The following ADAP1 variants were observed in gnomAD, a reference collection of about 807,000 sequenced individuals.
The protein encoded by ADAP1 is arf-GAP with dual PH domain-containing protein 1.
ADAP1 carries 31 observed loss-of-function variants against 54.9 expected under a neutral mutation model. The ratio of observed to expected loss-of-function variants is 0.56; its 90% CI spans 0.42 to 0.76. ADAP1 has a LOEUF of 0.76. ADAP1 is among the 30% of genes least tolerant of loss of function. ADAP1 has a pLI of 0.00. For missense variants in ADAP1, 535 were observed against 512.4 expected (o/e 1.04, Z -0.42); for synonymous variants, 313 against 202.6 (o/e 1.55, Z -4.63).
At chr7:935,004 G>A in intron 2 of ADAP1, 1 of 376,748 alleles carries the variant, frequency 2.7e-6, no homozygotes, top group Admixed American at 3.4e-5. Flanking sequence ...GGCCTGGGAC[G>A]CTGCATTCTG....
intron 4 of ADAP1, among the ~76,000 whole-genome samples, chr7:906,220 G>GAGAAAGGA (rs373529749): frequency 9.7e-5 from 1 of 10,290 alleles, no homozygotes; most frequent in Non-Finnish European, 2.0e-4. Flanking sequence ...AAGGAGAAAG[G>GAGAAAGGA]GAAAGGAGAA....
At chr7:919,640 G>A (rs1226831469) in intron 4 of ADAP1, among the ~76,000 whole-genome samples, 4 of 123,050 alleles carry the variant, frequency 3.3e-5, no homozygotes, top group African/African-American at 6.5e-5. Context: ...GAGAGTAAGA[G>A]AAACAGAGAC....
chr7:908,132 C>T (rs867785005), intron 4 of ADAP1, among the ~76,000 whole-genome samples: 4 of 152,154 alleles, frequency 2.6e-5, no homozygotes, highest in Middle Eastern at 3.2e-3. Context: ...TGCTGACCTA[C>T]GCCACAGGGA....
At position 903,707 on chromosome 7, in the gene ADAP1, C is replaced by T. The variant is rs548910798; in HGVS notation, c.648+419G>A. Reference sequence around the variant, plus strand: ...GGCAGCCAAAGGAACCCTACCCAAACCACCCCAGAGCCGGCTACCGTCCAC... The same window carrying T: ...GGCAGCCAAAGGAACCCTACCCAAATCACCCCAGAGCCGGCTACCGTCCAC... On this transcript the variant is annotated intron_variant, in intron 6 of 10. Transcript: ENST00000265846. Among the ~76,000 whole-genome samples, 70 of 152,242 alleles carry T rather than the reference C, an allele frequency of 4.6e-4. 2 individuals carry two copies. The South Asian group carries it at 0.014, about 30-fold the overall frequency.
chr7:915,822 G>A (rs554622756), intron 4 of ADAP1, among the ~76,000 whole-genome samples: 8 of 151,992 alleles, frequency 5.3e-5, no homozygotes, highest in Admixed American at 2.6e-4. Context: ...CACTGCCGAC[G>A]AGACGCTGTC....
At chr7:955,200 C>T (rs1451265924), upstream of ADAP1, 3 of 1,156,040 alleles carry the variant, frequency 2.6e-6, no homozygotes, top group African/African-American at 4.6e-5. Flanking sequence ...ATGGGACCCT[C>T]TGGGCACCCC....
At chr7:939,597 A>G (rs897411998) in intron 1 of ADAP1, among the ~76,000 whole-genome samples, 4 of 151,236 alleles carry the variant, frequency 2.6e-5, no homozygotes, top group African/African-American at 7.3e-5. Context: ...TCGGGAGGCC[A>G]AGGCGGGTGG....
Position 911,416 on chromosome 7 carries a change from G to A in ADAP1, c.389-6244C>T, listed in dbSNP as rs542694968. 1.2e-3 allele frequency among the ~76,000 whole-genome samples: 177 copies of A among 152,272 alleles called. 2 individuals are homozygous for A. The highest frequency in any genetic ancestry group is 3.9e-3 in the African/African-American group (161 of 41,564). On this transcript the variant is annotated intron_variant, in intron 4 of 10. Coordinates refer to ENST00000265846, the MANE Select transcript of ADAP1 (RefSeq NM_006869.4). ...AGGCTGCAGGAGGGGCCACCCTCAG[G>A]GCCAAGTCAGCCCCAGGGTACCCCC...
chr7:939,178 CT>C (rs1327515485), intron 1 of ADAP1, among the ~76,000 whole-genome samples: 1 of 152,176 alleles, frequency 6.6e-6, no homozygotes, highest in Non-Finnish European at 1.5e-5. Flanking sequence ...CGGTCGTTGA[CT>C]AGCTGTGATG....
chr7:912,195 G>C (rs1388586554), intron 4 of ADAP1, among the ~76,000 whole-genome samples: 2 of 152,200 alleles, frequency 1.3e-5, no homozygotes. Context: ...GGGAACCACA[G>C]AAGCTCCGAC....
intron 2 of ADAP1, among the ~76,000 whole-genome samples, chr7:934,615 G>A (rs989107599): frequency 3.3e-5 from 5 of 152,048 alleles, no homozygotes; most frequent in Non-Finnish European, 5.9e-5. Flanking sequence ...CAGGCCCCAC[G>A]CTCCATCCGA....
At position 926,219 on chromosome 7, in the gene ADAP1, C is replaced by T. The variant is rs1846381857; in HGVS notation, c.305+334G>A. ...GCAGGCCCCGAAACAACAGCCGCCC[C>T]TCCCGTTCCCCTCCCAGACCGCCAG... On this transcript the variant is annotated intron_variant, in intron 3 of 10. Coordinates refer to ENST00000265846, the MANE Select transcript of ADAP1 (RefSeq NM_006869.4). The surrounding 1 kb of genome is among the most constrained non-coding windows in gnomAD (Gnocchi z 4.6). Among the ~76,000 whole-genome samples the T allele has an allele frequency of 6.6e-6, 1 of 152,092 alleles. No homozygotes were observed. Among genetic ancestry groups the T allele is most frequent in the African/African-American group, 2.4e-5 (1 of 41,408 alleles).
intron 4 of ADAP1, among the ~76,000 whole-genome samples, chr7:918,016 TG>T (rs1846004830): frequency 6.6e-6 from 1 of 152,196 alleles, no homozygotes; most frequent in Admixed American, 6.5e-5. Flanking sequence ...CTTGAACTCC[TG>T]AGATCAGGAG....
At position 921,839 on chromosome 7, in the gene ADAP1, G is replaced by C. The variant is rs567773724; in HGVS notation, c.306-1789C>G. On this transcript the variant is annotated intron_variant, in intron 3 of 10. Coordinates refer to ENST00000265846, the MANE Select transcript of ADAP1 (RefSeq NM_006869.4). ...GGAAGCCGGGGGCCTGTGGATGAGA[G>C]GCAGGTGCCAGGGACGGCTTTGACA... 3.3e-5 allele frequency among the ~76,000 whole-genome samples: 5 copies of C among 152,336 alleles called. No individual in the cohort carries two copies. The South Asian group carries it at 8.3e-4, about 25-fold the overall frequency.
rs28708384 is a variant in ADAP1 at position 926,360 on chromosome 7, G to C, written c.305+193C>G. Among the ~76,000 whole-genome samples, 4 of 150,418 alleles carry C rather than the reference G, an allele frequency of 2.7e-5. No homozygotes were observed. The highest frequency in any genetic ancestry group is 4.9e-5 in the African/African-American group (2 of 41,078). ...TCCCAGCCCCACCCCAGCGCCCCCC[G>C]CCCCAGAACCAAAGCCCGGTGGTGG... On this transcript the variant is annotated intron_variant, in intron 3 of 10. Transcript: ENST00000265846. This position sits in a 1 kb window ranked among gnomAD's most constrained non-coding sequence, Gnocchi z 4.6.
rs1845031619 is a variant in ADAP1 at position 904,992 on chromosome 7, G to A, written c.501+68C>T. Reference sequence around the variant, plus strand: ...CTGCGGATGGACGCGGCCACCACAGGCCCCAGTGTGGGAGGCCGGGATGCC... The same window carrying A: ...CTGCGGATGGACGCGGCCACCACAGACCCCAGTGTGGGAGGCCGGGATGCC... On this transcript the variant is annotated intron_variant, in intron 5 of 10. Coordinates refer to ENST00000265846, the MANE Select transcript of ADAP1 (RefSeq NM_006869.4). 8 of 1,383,534 alleles carry A rather than the reference G, an allele frequency of 5.8e-6. No homozygotes were observed. The East Asian group carries it at 1.4e-4, about 24-fold the overall frequency. 85.7% of individuals were successfully genotyped at this position (1,383,534 alleles called of 1,614,324 possible).
chr7:929,581 C>G (rs990181557), intron 2 of ADAP1, among the ~76,000 whole-genome samples: 5 of 149,300 alleles, frequency 3.3e-5, no homozygotes, highest in African/African-American at 1.2e-4. Context: ...ATGTTCAGAA[C>G]AAGCAAATCC....
chr7:912,390 G>A (rs1038175472), intron 4 of ADAP1, among the ~76,000 whole-genome samples: 5 of 152,144 alleles, frequency 3.3e-5, no homozygotes, highest in Admixed American at 6.5e-5. Flanking sequence ...AGGGGCAGGC[G>A]GGGGGCAAGT....
intron 4 of ADAP1, among the ~76,000 whole-genome samples, chr7:917,637 G>A (rs1389891288): frequency 6.6e-6 from 1 of 152,106 alleles, no homozygotes; most frequent in Admixed American, 6.5e-5. Context: ...GCTAATTTTT[G>A]TATTTTTTAC....
Sources: allele counts gnomAD v4.1 joint callset (sites outside exome capture counted in the v4.1 genomes callset), GRCh38; gene constraint gnomAD v4.1.1; non-coding constraint Gnocchi (gnomAD v3.1); transcripts MANE v1.5; gene names NCBI Gene and HGNC (gene_info 2026-07-23, HGNC 2026-07-21).